The following ADH1C variants were observed in gnomAD, a reference collection of about 807,000 sequenced individuals.
ADH1C encodes alcohol dehydrogenase 1C.
ADH1C carries 26 observed loss-of-function variants against 35.0 expected under a neutral mutation model. The observed-to-expected ratio is 0.74, with a 90% CI of 0.54 to 1.03. ADH1C has a LOEUF of 1.03. Among genes scored for constraint, ADH1C ranks in the 50% least tolerant of loss-of-function variants. The pLI, the probability that ADH1C is intolerant of heterozygous loss-of-function variation, is 0.00. For synonymous variants in ADH1C, 170 were observed against 169.3 expected, an observed-to-expected ratio of 1.00 and a Z score of -0.03; for missense variants, 413 against 465.4, an observed-to-expected ratio of 0.89 and a Z score of 1.04.
Position 99,339,657 on chromosome 4 carries a change from A to C in ADH1C, c.1023T>G (p.Phe341Leu). 1 of 1,612,612 alleles carries C rather than the reference A, an allele frequency of 6.2e-7. No individual in the cohort carries two copies. Among genetic ancestry groups the C allele is most frequent in the Non-Finnish European group, 8.5e-7 (1 of 1,179,356 alleles). Reference protein sequence around the residue: ...KLVADFMAKKFSLDALITNIL... With the variant: ...KLVADFMAKKLSLDALITNIL... Reference sequence around the variant, plus strand: ...TATTTGTTATTAATGCATCCAGTGAAAACTTCTTAGCCATAAAGTCAGCCA... The same window carrying C: ...TATTTGTTATTAATGCATCCAGTGACAACTTCTTAGCCATAAAGTCAGCCA... The change falls in exon 8 of 9, where the codon TTT becomes TTG. Residue 341 changes from phenylalanine to leucine, a missense_variant. Transcript: ENST00000515683.
intron 1 of ADH1C, among the ~76,000 whole-genome samples, chr4:99,349,406 A>G (rs559794104): frequency 1.3e-5 from 2 of 152,106 alleles, no homozygotes; most frequent in East Asian, 3.9e-4. Context: ...AAAGATGTTT[A>G]ATCCTGATAT....
chr4:99,345,290 T>G, intron 3 of ADH1C, 24 bp from the exon 4 acceptor site: 1 of 1,592,702 alleles, frequency 6.3e-7, no homozygotes, highest in Non-Finnish European at 8.6e-7. Context: ...AAACAAATTC[T>G]TCTTAAATTT....
At chr4:99,348,330 T>C (rs969187958) in intron 1 of ADH1C, among the ~76,000 whole-genome samples, 1 of 144,678 alleles carries the variant, frequency 6.9e-6, no homozygotes, top group African/African-American at 2.6e-5. Context: ...CCTGTGTCCA[T>C]GTGATCTCAT....
chr4:99,341,756 C>T (rs1234225160), intron 6 of ADH1C, among the ~76,000 whole-genome samples: 5 of 152,166 alleles, frequency 3.3e-5, no homozygotes, highest in South Asian at 4.2e-4. Flanking sequence ...GATATGTTTC[C>T]GTTGCCTTTG....
intron 8 of ADH1C, among the ~76,000 whole-genome samples, chr4:99,338,319 C>T (rs1453967962): frequency 7.0e-6 from 1 of 143,824 alleles, no homozygotes; most frequent in African/African-American, 2.6e-5. Flanking sequence ...TATTTGCCAT[C>T]ATCTTATCAA....
intron 1 of ADH1C, among the ~76,000 whole-genome samples, chr4:99,350,859 C>A (rs776206860): frequency 6.6e-6 from 1 of 152,114 alleles, no homozygotes; most frequent in African/African-American, 2.4e-5. Context: ...AAGATCAGGC[C>A]GGGTGCAGTT....
At chr4:99,341,252 T>C (rs1734408327) in intron 6 of ADH1C, among the ~76,000 whole-genome samples, 1 of 152,178 alleles carries the variant, frequency 6.6e-6, no homozygotes, top group South Asian at 2.1e-4. Context: ...TGTATATTGG[T>C]TTTACATTAA....
chr4:99,340,938 C>T (rs557391300), intron 6 of ADH1C, among the ~76,000 whole-genome samples: 106 of 152,240 alleles, frequency 7.0e-4, no homozygotes, highest in Non-Finnish European at 1.4e-3. Context: ...AATTTGTGTG[C>T]CCTTAGTTCT....
At chr4:99,349,805 C>CTGTGTG (rs70956001) in intron 1 of ADH1C, among the ~76,000 whole-genome samples, 43 of 84,454 alleles carry the variant, frequency 5.1e-4, no homozygotes, top group African/African-American at 1.3e-3. Context: ...ATGTGTGTTT[C>CTGTGTG]TGTGTGTGTG....
At chr4:99,343,799 G>A (rs986934674) in intron 5 of ADH1C, among the ~76,000 whole-genome samples, 4 of 152,292 alleles carry the variant, frequency 2.6e-5, no homozygotes, top group Non-Finnish European at 4.4e-5. Flanking sequence ...TAAAGTCACC[G>A]AAATTTGGAA....
chr4:99,347,813 A>C lies in ADH1C; in HGVS notation c.52T>G (p.Leu18Val), dbSNP rs1199384462. 6.2e-7 allele frequency: 1 copy of C among 1,613,900 alleles called. No homozygotes were observed. Among genetic ancestry groups the C allele is most frequent in the South Asian group, 1.1e-5 (1 of 91,048 alleles). Reference protein sequence around the residue: ...IKCKAAVLWELKKPFSIEEVE... With the variant: ...IKCKAAVLWEVKKPFSIEEVE... ...TCCTCAATGGAAAAGGGTTTCTTTA[A>C]CTCCCATAGCACAGCTGCTTTGCAT... is the stretch of plus-strand genomic sequence containing the variant. Residue 18 changes from leucine (L) to valine (V), a missense_variant, in exon 2 of 9, where the codon TTA (leucine) becomes GTA (valine). By Grantham distance (32) the Leu-to-Val change is conservative. Transcript: ENST00000515683.
chr4:99,336,615 C>A lies in ADH1C; in HGVS notation c.*137G>T. The A allele has an allele frequency of 5.6e-6, 6 of 1,074,918 alleles. No individual in the cohort carries two copies. The South Asian group carries it at 8.9e-5, about 16-fold the overall frequency. The allele number at this position is 1,074,918 out of a possible 1,614,324, so 66.6% of individuals were successfully genotyped here. ...AATAATTTCCCATCAATTTCCATTT[C>A]TTTGGAAAGCTCCCACGTGTAATTT... On this transcript the variant is annotated 3_prime_UTR_variant, in exon 9 of 9. Transcript: ENST00000515683.
At position 99,340,617 on chromosome 4, in the gene ADH1C, G is replaced by C; in HGVS notation, c.922C>G (p.Leu308Val). The C allele has an allele frequency of 6.2e-7, 1 of 1,614,100 alleles. No individual in the cohort carries two copies. Reference sequence around the variant, plus strand: ...TTCCACGTGCGTCCAGTCAGTAGCAGCATAGGGTTTATTGAGAGGTTCTGG... The same window carrying C: ...TTCCACGTGCGTCCAGTCAGTAGCACCATAGGGTTTATTGAGAGGTTCTGG... The part of the protein sequence containing the change: ...DSQNLSINPM[L>V]LLTGRTWKGA... Residue 308 changes from leucine to valine, a missense_variant, in exon 7 of 9, where the codon CTG becomes GTG. Leu to Val is a conservative substitution (Grantham distance 32, BLOSUM62 1). Transcript: ENST00000515683.
At chr4:99,345,591 T>C (rs1427706917) in intron 3 of ADH1C, among the ~76,000 whole-genome samples, 1 of 152,260 alleles carries the variant, frequency 6.6e-6, no homozygotes, top group Non-Finnish European at 1.5e-5. Flanking sequence ...ATGTAATCCT[T>C]GTCTAATTAA....
intron 8 of ADH1C, 111 bp from the exon 9 acceptor site, chr4:99,336,887 C>T (rs1734290152): frequency 1.0e-5 from 15 of 1,458,734 alleles, no homozygotes; most frequent in Non-Finnish European, 1.4e-5. Flanking sequence ...TCTGTGTTCT[C>T]AGCCACTCCC....
At position 99,336,820 on chromosome 4, in the gene ADH1C, C is replaced by T. The variant is rs760256176; in HGVS notation, c.1104-44G>A. 5.6e-6 allele frequency: 9 copies of T among 1,612,006 alleles called. No individual in the cohort carries two copies. In the African/African-American group the frequency reaches 9.4e-5, roughly 17 times the overall value. Reference sequence around the variant, plus strand: ...GACATTGTGTTAACATTTAGACAACCCACATGCTTCCATGTGATAGTCCAA... The same window carrying T: ...GACATTGTGTTAACATTTAGACAACTCACATGCTTCCATGTGATAGTCCAA... On this transcript the variant is annotated intron_variant, in intron 8 of 8. Coordinates refer to ENST00000515683, the MANE Select transcript of ADH1C (RefSeq NM_000669.5).
At chr4:99,338,440 TATATAC>T (rs1389709812) in intron 8 of ADH1C, among the ~76,000 whole-genome samples, 1,154 of 58,896 alleles carry the variant, frequency 0.02, 223 homozygotes, top group African/African-American at 0.052. Flanking sequence ...TATATATATA[TATATAC>T]ACACTCTTGA....
chr4:99,346,366 C>A (rs1231903707), intron 3 of ADH1C, among the ~76,000 whole-genome samples: 1 of 152,074 alleles, frequency 6.6e-6, no homozygotes, highest in Admixed American at 6.6e-5. Context: ...AATCCATAAT[C>A]AGTCACATTT....
intron 2 of ADH1C, 32 bp from the exon 3 acceptor site, chr4:99,347,176 GA>G: frequency 6.2e-7 from 1 of 1,602,798 alleles, no homozygotes; most frequent in Non-Finnish European, 8.5e-7. Flanking sequence ...TTTAGATTCA[GA>G]AAAGATTATG....
Sources: allele counts gnomAD v4.1 joint callset (sites outside exome capture counted in the v4.1 genomes callset), GRCh38; gene constraint gnomAD v4.1.1; transcripts MANE v1.5; gene names NCBI Gene and HGNC (gene_info 2026-07-23, HGNC 2026-07-21).